GOLIM4: variants seen among roughly 807,000 people sequenced by gnomAD.
GOLIM4 encodes golgi integral membrane protein 4, also known as 130 kDa golgi-localized phosphoprotein.
GOLIM4 carries 71 observed loss-of-function variants against 107.4 expected under a neutral mutation model. The ratio of observed to expected loss-of-function variants is 0.66; its 90% CI spans 0.55 to 0.81. The LOEUF is 0.81. Ranked by LOEUF, GOLIM4 falls within the 30% of genes least tolerant of loss-of-function variation. The pLI is 0.00. For synonymous variants in GOLIM4, 327 were observed against 294.8 expected (o/e 1.11, Z -1.12); for missense variants, 830 against 826.1 (o/e 1.00, Z -0.06).
At chr3:168,014,033 T>C (rs1221318158) in intron 14 of GOLIM4, among the ~76,000 whole-genome samples, 3 of 137,074 alleles carry the variant, frequency 2.2e-5, no homozygotes, top group African/African-American at 1.0e-4. Flanking sequence ...AAGAAATAAC[T>C]AAAATCAGAG....
At chr3:168,062,769 C>A (rs190354529) in intron 1 of GOLIM4, among the ~76,000 whole-genome samples, 1 of 152,256 alleles carries the variant, frequency 6.6e-6, no homozygotes, top group East Asian at 1.9e-4. Context: ...GCGAGGAATG[C>A]ACTGAAGCAA....
intron 12 of GOLIM4, among the ~76,000 whole-genome samples, chr3:168,025,457 G>C (rs1338922158): frequency 6.6e-6 from 1 of 152,152 alleles, no homozygotes; most frequent in Non-Finnish European, 1.5e-5. Context: ...ATTTAGGTGG[G>C]GGATTTAGAT....
chr3:168,094,901 G>A (rs537442796), intron 1 of GOLIM4, among the ~76,000 whole-genome samples, 198 bp downstream of exon 1: 14 of 152,316 alleles, frequency 9.2e-5, no homozygotes, highest in Non-Finnish European at 1.3e-4. Flanking sequence ...TAACCGCTGG[G>A]AGGAAGAAGC....
At chr3:168,049,327 T>C (rs1348929509) in intron 1 of GOLIM4, among the ~76,000 whole-genome samples, 1 of 152,240 alleles carries the variant, frequency 6.6e-6, no homozygotes, top group Non-Finnish European at 1.5e-5. Flanking sequence ...ACTGTGTGTT[T>C]ATGAATACAA....
intron 11 of GOLIM4, among the ~76,000 whole-genome samples, chr3:168,028,548 C>T (rs1718136713): frequency 6.6e-6 from 1 of 152,098 alleles, no homozygotes; most frequent in African/African-American, 2.4e-5. Context: ...TTCAAGTGCA[C>T]AAAGGGGTTT....
At chr3:168,070,864 T>C (rs1195490166) in intron 1 of GOLIM4, among the ~76,000 whole-genome samples, 3 of 152,178 alleles carry the variant, frequency 2.0e-5, no homozygotes, top group African/African-American at 7.2e-5. Context: ...GGTGAGTTCC[T>C]CAACTTCTAT....
chr3:168,078,756 T>C (rs1226739111), intron 1 of GOLIM4, among the ~76,000 whole-genome samples: 2 of 152,124 alleles, frequency 1.3e-5, no homozygotes, highest in African/African-American at 2.4e-5. Flanking sequence ...TATAAATAAA[T>C]AATCATTTTT....
chr3:168,038,161 T>C (rs1218857506), intron 7 of GOLIM4, among the ~76,000 whole-genome samples: 2 of 152,216 alleles, frequency 1.3e-5, no homozygotes, highest in African/African-American at 4.8e-5. Flanking sequence ...TGTACAAAGG[T>C]GCACCATATG....
At chr3:168,011,913 C>A (rs1025273396) in intron 14 of GOLIM4, among the ~76,000 whole-genome samples, 3 of 142,622 alleles carry the variant, frequency 2.1e-5, no homozygotes, top group Non-Finnish European at 4.4e-5. Context: ...TCATCAAAGA[C>A]CAAAAGCAGA....
At chr3:168,062,709 A>AG (rs1382257588) in intron 1 of GOLIM4, among the ~76,000 whole-genome samples, 1 of 152,174 alleles carries the variant, frequency 6.6e-6, no homozygotes, top group Non-Finnish European at 1.5e-5. Flanking sequence ...TTGCAGGAAA[A>AG]GGGGAACCTC....
chr3:168,025,072 GT>G lies in GOLIM4; in HGVS notation c.1646del (p.Asn549ThrfsTer20). The G allele has an allele frequency of 6.2e-7, 1 of 1,613,596 alleles. No individual in the cohort carries two copies. On this transcript the variant is annotated frameshift_variant, in exon 13 of 16. Coordinates refer to ENST00000470487, the MANE Select transcript of GOLIM4 (RefSeq NM_014498.5). LOFTEE classifies it high-confidence loss of function. ...CTTGATTATTAGGGTCATCTGCTGG[GT>G]TTATATCTTCTACAGCTGCCCTCTG... ...EADRAAVEDI[N>X]PADDPNNQGE...
chr3:168,032,942 G>A (rs1718419857), intron 8 of GOLIM4, 90 bp from the exon 9 acceptor site: 18 of 945,304 alleles, frequency 1.9e-5, no homozygotes, highest in Non-Finnish European at 2.8e-5. Flanking sequence ...GGGGCATGGG[G>A]CTACAACAGA....
chr3:168,027,325 C>T (rs1718047516), intron 12 of GOLIM4, among the ~76,000 whole-genome samples: 1 of 152,198 alleles, frequency 6.6e-6, no homozygotes, highest in Admixed American at 6.5e-5. Context: ...GACTGCTCAA[C>T]ATGCTCAGGA....
At chr3:168,091,956 T>C (rs1218784599) in intron 1 of GOLIM4, among the ~76,000 whole-genome samples, 3 of 152,164 alleles carry the variant, frequency 2.0e-5, no homozygotes, top group Admixed American at 1.3e-4. Flanking sequence ...AGTTTTAAGA[T>C]TTTTTATAGA....
chr3:168,092,206 G>A (rs1721949855), intron 1 of GOLIM4, among the ~76,000 whole-genome samples: 1 of 152,200 alleles, frequency 6.6e-6, no homozygotes, highest in Non-Finnish European at 1.5e-5. Context: ...GCCAAAGATT[G>A]TTATTACCTT....
chr3:168,054,728 G>A (rs1206797888), intron 1 of GOLIM4, among the ~76,000 whole-genome samples: 1 of 151,948 alleles, frequency 6.6e-6, no homozygotes, highest in African/African-American at 2.4e-5. Context: ...CTCGATTGAG[G>A]GCGAGAATTT....
At chr3:168,055,079 T>C (rs1355493676) in intron 1 of GOLIM4, among the ~76,000 whole-genome samples, 2 of 152,188 alleles carry the variant, frequency 1.3e-5, no homozygotes, top group African/African-American at 4.8e-5. Flanking sequence ...GTCTGGAGTA[T>C]GTTTTTTTCA....
chr3:168,055,948 G>C (rs1719937703), intron 1 of GOLIM4, among the ~76,000 whole-genome samples: 1 of 152,218 alleles, frequency 6.6e-6, no homozygotes, highest in Non-Finnish European at 1.5e-5. Context: ...ATCCAAGCTG[G>C]CTGCAGAAAT....
rs927059059 is a variant in GOLIM4 at position 168,048,419 on chromosome 3, AATT to A, written c.188-57_188-55del. On this transcript the variant is annotated intron_variant, in intron 1 of 15. Coordinates refer to ENST00000470487, the MANE Select transcript of GOLIM4 (RefSeq NM_014498.5). ...CAAAGAATTAGAAATTTAAAACTAA[AATT>A]AACATCAATTTTTAAAACAGGAAGA... 1.2e-5 allele frequency: 9 copies of A among 780,248 alleles called. No homozygotes were observed. The African/African-American group carries it at 1.6e-4, about 14-fold the overall frequency. The allele number at this position is 780,248 out of a possible 1,614,324, so 48.3% of individuals were successfully genotyped here. A position where few individuals can be genotyped will look rare whatever the true frequency, so the allele number is the denominator to read the frequency against.
Sources: gnomAD v4.1 joint callset for allele counts (sites outside exome capture counted in the v4.1 genomes callset) on GRCh38, gnomAD v4.1.1 for gene constraint, MANE v1.5 for transcripts, NCBI Gene and HGNC (gene_info 2026-07-23, HGNC 2026-07-21) for gene names.